SPPL2A: variants seen among roughly 807,000 people sequenced by gnomAD.
SPPL2A encodes the protein signal peptide peptidase like 2A.
SPPL2A carries 51 observed loss-of-function variants against 63.8 expected under a neutral mutation model. The observed-to-expected ratio is 0.80, with a 90% CI of 0.64 to 1.01. The LOEUF is 1.01. Among genes scored for constraint, SPPL2A ranks in the 50% least tolerant of loss-of-function variants. The pLI, the probability that SPPL2A is intolerant of heterozygous loss-of-function variation, is 0.00. For synonymous variants in SPPL2A, 188 were observed against 205.8 expected (o/e 0.91, Z 0.74); for missense variants, 553 against 622.7 (o/e 0.89, Z 1.19).
At position 50,732,685 on chromosome 15, in the gene SPPL2A, C is replaced by A; in HGVS notation, c.933-1G>T. The stretch of plus-strand genomic sequence containing the variant: ...GATATCCTGTAAAATCCAAGCCCAC[C>A]TAAAATCAAAAAATATTACTCTATT... On this transcript the variant is annotated splice_acceptor_variant, in intron 8 of 14. Transcript: ENST00000261854. LOFTEE classifies it high-confidence loss of function. 6.3e-7 allele frequency: 1 copy of A among 1,595,556 alleles called. No individual in the cohort carries two copies. Among genetic ancestry groups the A allele is most frequent in the South Asian group, 1.1e-5 (1 of 89,884 alleles).
At position 50,736,751 on chromosome 15, in the gene SPPL2A, C is replaced by A. The variant is rs763460100; in HGVS notation, c.734-11G>T. On this transcript the variant is annotated splice_polypyrimidine_tract_variant and intron_variant, in intron 6 of 14. Transcript: ENST00000261854. The stretch of plus-strand genomic sequence containing the variant: ...CTATCATAACATAAACTGAAAAAAA[C>A]AAAACACTAAATTACATGAGAACAG... The A allele has an allele frequency of 1.5e-6, 2 of 1,375,352 alleles. No homozygotes were observed. Among genetic ancestry groups the A allele is most frequent in the Non-Finnish European group, 1.0e-6 (1 of 964,996 alleles). 85.2% of individuals were successfully genotyped at this position (1,375,352 alleles called of 1,614,324 possible). A position where few individuals can be genotyped will look rare whatever the true frequency, so the allele number is the denominator to read the frequency against.
chr15:50,756,638 C>A, intron 1 of SPPL2A, among the ~76,000 whole-genome samples: 1 of 152,088 alleles, frequency 6.6e-6, no homozygotes, highest in Non-Finnish European at 1.5e-5. Flanking sequence ...GGAATCCCAG[C>A]ACATTGGGAA....
Position 50,765,480 on chromosome 15 carries a change from G to T in SPPL2A, c.54C>A (p.Phe18Leu). The change falls in exon 1 of 15, where the codon TTC becomes TTA. Residue 18 changes from phenylalanine (F) to leucine (L), a missense_variant. Transcript: ENST00000261854. ...CCCGCCCCCTTACCAGCTGGAGCAG[G>T]AAGCCCCAGAGTAGGGCGGCCCCGG... is the stretch of plus-strand genomic sequence containing the variant. ...SPAGAALLWG[F>L]LLQLTAAQEA... The T allele has an allele frequency of 1.3e-6, 2 of 1,504,762 alleles. No individual in the cohort carries two copies. The highest frequency in any genetic ancestry group is 1.8e-6 in the Non-Finnish European group (2 of 1,134,214). 93.2% of individuals were successfully genotyped at this position (1,504,762 alleles called of 1,614,324 possible).
chr15:50,711,914 G>C (rs890093738), intron 14 of SPPL2A, among the ~76,000 whole-genome samples: 6 of 152,186 alleles, frequency 3.9e-5, no homozygotes, highest in Admixed American at 2.0e-4. Flanking sequence ...CATAAAGACT[G>C]TAGAGATACA....
intron 5 of SPPL2A, among the ~76,000 whole-genome samples, chr15:50,744,947 T>G (rs2141048220): frequency 6.6e-6 from 1 of 152,312 alleles, no homozygotes; most frequent in East Asian, 1.9e-4. Flanking sequence ...TAATTAGAAC[T>G]GATTTTAATA....
chr15:50,747,796 G>A lies in SPPL2A; in HGVS notation c.451-168C>T, dbSNP rs146164041. ...TATATTCTCTAGTCAAAAGTATGAT[G>A]ATATGCTTTGGTTTATAAAATCTTT... On this transcript the variant is annotated intron_variant, in intron 4 of 14. Transcript: ENST00000261854. Among the ~76,000 whole-genome samples the A allele has an allele frequency of 4.9e-3, 743 of 152,294 alleles. 11 individuals are homozygous for A. Among genetic ancestry groups the A allele is most frequent in the African/African-American group, 0.017 (714 of 41,570 alleles).
chr15:50,755,627 CAAAAAAAAAAAAAAA>C (rs148415568), intron 1 of SPPL2A, among the ~76,000 whole-genome samples: 2 of 49,544 alleles, frequency 4.0e-5, no homozygotes, highest in Admixed American at 3.1e-4. Context: ...CACCCTGTCT[CAAAAAAAAAAAAAAA>C]AAAAAAAAAA....
At chr15:50,764,419 T>C (rs1054869078) in intron 1 of SPPL2A, 2 of 152,244 alleles carry the variant, frequency 1.3e-5, no homozygotes, top group African/African-American at 4.8e-5. Flanking sequence ...GTCAAAGTTA[T>C]GAATACACCA....
At chr15:50,722,306 T>C in intron 12 of SPPL2A, 105 bp from the exon 13 acceptor site, 1 of 644,948 alleles carries the variant, frequency 1.6e-6, no homozygotes, top group Non-Finnish European at 2.7e-6. Flanking sequence ...CATTGTTGCA[T>C]TATAAGAACA....
intron 1 of SPPL2A, among the ~76,000 whole-genome samples, chr15:50,753,806 T>C (rs1038046326): frequency 6.6e-6 from 1 of 151,378 alleles, no homozygotes; most frequent in Non-Finnish European, 1.5e-5. Context: ...TCTTTTTTTC[T>C]TTTTTTTTGA....
At chr15:50,714,812 G>A (rs8030153) in intron 14 of SPPL2A, among the ~76,000 whole-genome samples, 55,547 of 150,126 alleles carry the variant, frequency 0.37, 10,279 homozygotes, top group East Asian at 0.56. Context: ...GGATGGTGGT[G>A]CATGCCTATA....
intron 8 of SPPL2A, among the ~76,000 whole-genome samples, chr15:50,734,934 T>C (rs535160290): frequency 2.6e-5 from 4 of 152,156 alleles, no homozygotes; most frequent in African/African-American, 9.7e-5. Flanking sequence ...GAGACGGAGT[T>C]GCACTCTTAT....
intron 6 of SPPL2A, 80 bp downstream of exon 6, chr15:50,739,600 T>A: frequency 9.3e-7 from 1 of 1,078,594 alleles, no homozygotes; most frequent in Non-Finnish European, 1.3e-6. Context: ...TAGAATGGCT[T>A]AAAGGAAAAG....
At chr15:50,765,382 G>A (rs2063050246) in intron 1 of SPPL2A, 86 bp downstream of exon 1, 2 of 1,070,260 alleles carry the variant, frequency 1.9e-6, no homozygotes, top group African/African-American at 1.7e-5. Context: ...GGGGAGGCCG[G>A]GCGAGGAGTA....
rs371699616 is a variant in SPPL2A at position 50,739,745 on chromosome 15, A to G, written c.668T>C (p.Val223Ala). Residue 223 changes from valine (V) to alanine (A), a missense_variant, in exon 6 of 15, where the codon GTT becomes GCT. By Grantham distance (64) the Val-to-Ala change is moderately conservative (BLOSUM62 0). Coordinates refer to ENST00000261854, the MANE Select transcript of SPPL2A (RefSeq NM_032802.4). The part of the protein sequence containing the change: ...EEYLTFSPLT[V>A]VIFVVICCVM... ...ACAGCAGATGACCACAAATATTACAACTGTAAGAGGACTAAAAGTTAAATA... is the reference window on the plus strand; with the variant it reads ...ACAGCAGATGACCACAAATATTACAGCTGTAAGAGGACTAAAAGTTAAATA... 5.6e-6 allele frequency: 9 copies of G among 1,600,894 alleles called. No homozygotes were observed. Among genetic ancestry groups the G allele is most frequent in the Non-Finnish European group, 7.7e-6 (9 of 1,173,832 alleles).
intron 5 of SPPL2A, among the ~76,000 whole-genome samples, chr15:50,742,335 A>G (rs1197137778): frequency 6.6e-6 from 1 of 152,086 alleles, no homozygotes; most frequent in Non-Finnish European, 1.5e-5. Flanking sequence ...GGTTGCAGTG[A>G]GCCAAGATCG....
At chr15:50,736,976 A>T (rs953672411) in intron 6 of SPPL2A, among the ~76,000 whole-genome samples, 3 of 151,626 alleles carry the variant, frequency 2.0e-5, no homozygotes, top group African/African-American at 7.3e-5. Context: ...CAGTGGTGTA[A>T]TCTCGGCTCT....
At chr15:50,735,975 G>T in intron 8 of SPPL2A, 126 bp downstream of exon 8, 1 of 596,182 alleles carries the variant, frequency 1.7e-6, no homozygotes, top group African/African-American at 1.9e-5. Flanking sequence ...TTAAGAAGTA[G>T]TTCATTACAA....
chr15:50,716,027 C>G (rs1474749260), intron 14 of SPPL2A, among the ~76,000 whole-genome samples: 1 of 151,710 alleles, frequency 6.6e-6, no homozygotes, highest in East Asian at 1.9e-4. Flanking sequence ...AGAAAGAGAA[C>G]TATTTATAGT....
Sources: gnomAD v4.1 joint callset for allele counts (sites outside exome capture counted in the v4.1 genomes callset) on GRCh38, gnomAD v4.1.1 for gene constraint, MANE v1.5 for transcripts, NCBI Gene and HGNC (gene_info 2026-07-23, HGNC 2026-07-21) for gene names.